The following RAP1GDS1 variants were observed in gnomAD, a reference collection of about 807,000 sequenced individuals.
RAP1GDS1 encodes the protein RAP1, GTP-GDP dissociation stimulator 1.
A neutral mutation model predicts 71.1 loss-of-function variants in RAP1GDS1; 35 were observed. The ratio of observed to expected loss-of-function variants is 0.49; its 90% CI spans 0.38 to 0.65. The LOEUF (loss-of-function observed/expected upper bound fraction) is 0.65, where lower values mean the gene tolerates loss of function less well. Among genes scored for constraint, RAP1GDS1 ranks in the 30% least tolerant of loss-of-function variants. The probability of loss-of-function intolerance (pLI) is 0.00; values close to 1 mark genes in which losing one functional copy is unlikely to be tolerated. For synonymous variants in RAP1GDS1, 229 were observed against 243.1 expected (o/e 0.94, Z 0.54); for missense variants, 663 against 706.1 (o/e 0.94, Z 0.69).
chr4:98,291,093 T>C (rs1415572557), intron 1 of RAP1GDS1, among the ~76,000 whole-genome samples: 1 of 152,150 alleles, frequency 6.6e-6, no homozygotes, highest in Non-Finnish European at 1.5e-5. Flanking sequence ...GAAAAATTCA[T>C]TGGCTTTGTC....
intron 7 of RAP1GDS1, among the ~76,000 whole-genome samples, chr4:98,409,937 T>TA (rs1746772489): frequency 6.6e-6 from 1 of 152,142 alleles, no homozygotes; most frequent in Non-Finnish European, 1.5e-5. Context: ...CAAAAAGCTC[T>TA]AATCATAAAG....
intron 7 of RAP1GDS1, among the ~76,000 whole-genome samples, chr4:98,411,926 C>T (rs140746121): frequency 2.0e-3 from 311 of 152,236 alleles, no homozygotes; most frequent in African/African-American, 7.2e-3. Flanking sequence ...ACCAAGGAAA[C>T]GCCCTACTTT....
chr4:98,387,991 C>T (rs1743016689), intron 5 of RAP1GDS1, among the ~76,000 whole-genome samples: 1 of 152,156 alleles, frequency 6.6e-6, no homozygotes, highest in East Asian at 1.9e-4. Context: ...TGATAACATT[C>T]ATGATACCAT....
In RAP1GDS1 at chr4:98,346,637, C is replaced by A. The variant is rs181182321; in HGVS notation, c.235+3376C>A. ...TCAGCTCACTGCAAGCTCCACCTCCCGGGTTCAAGCAATTCTCCTGCCTCA... is the reference window on the plus strand; with the variant it reads ...TCAGCTCACTGCAAGCTCCACCTCCAGGGTTCAAGCAATTCTCCTGCCTCA... On this transcript the variant is annotated intron_variant, in intron 3 of 14. Transcript: ENST00000408927. Among the ~76,000 whole-genome samples the A allele has an allele frequency of 3.8e-3, 582 of 152,062 alleles. 6 individuals carry two copies. The highest frequency in any genetic ancestry group is 0.013 in the African/African-American group (557 of 41,486).
chr4:98,331,530 A>T (rs1417911939), intron 2 of RAP1GDS1, among the ~76,000 whole-genome samples: 1 of 152,252 alleles, frequency 6.6e-6, no homozygotes, highest in African/African-American at 2.4e-5. Flanking sequence ...GTGGCATATG[A>T]CATATTATCT....
At chr4:98,345,609 G>A (rs756858602) in intron 3 of RAP1GDS1, among the ~76,000 whole-genome samples, 1 of 152,158 alleles carries the variant, frequency 6.6e-6, no homozygotes. Context: ...GGCTCTCAAA[G>A]TATTTAATAA....
intron 2 of RAP1GDS1, among the ~76,000 whole-genome samples, chr4:98,307,100 CAT>C (rs1008675114): frequency 2.6e-5 from 4 of 151,474 alleles, no homozygotes; most frequent in African/African-American, 9.7e-5. Context: ...TTTATTTTAA[CAT>C]ATGGTACATG....
At chr4:98,439,395 G>A (rs1394829430) in intron 14 of RAP1GDS1, among the ~76,000 whole-genome samples, 1 of 152,296 alleles carries the variant, frequency 6.6e-6, no homozygotes, top group African/African-American at 2.4e-5. Context: ...TCTTGGCATG[G>A]ATTTCTTTGG....
intron 2 of RAP1GDS1, among the ~76,000 whole-genome samples, chr4:98,306,094 T>C (rs1213040624): frequency 6.6e-6 from 1 of 152,202 alleles, no homozygotes; most frequent in Non-Finnish European, 1.5e-5. Context: ...ACTGCACCTA[T>C]AGCCAGCTGT....
At chr4:98,282,576 ATTTTTT>A (rs61020374) in intron 1 of RAP1GDS1, among the ~76,000 whole-genome samples, 1 of 133,562 alleles carries the variant, frequency 7.5e-6, no homozygotes, top group Non-Finnish European at 1.6e-5. Context: ...GGATTCATTG[ATTTTTT>A]TTTTTTTTTT....
chr4:98,404,901 T>C (rs1356412923), intron 7 of RAP1GDS1, among the ~76,000 whole-genome samples: 3 of 152,082 alleles, frequency 2.0e-5, no homozygotes, highest in African/African-American at 7.2e-5. Context: ...TCTACACACT[T>C]GTAAGGCAAA....
chr4:98,345,211 A>G (rs1479774738), intron 3 of RAP1GDS1, among the ~76,000 whole-genome samples: 3 of 152,172 alleles, frequency 2.0e-5, no homozygotes, highest in Non-Finnish European at 2.9e-5. Context: ...TTGGGCATAT[A>G]TTTCTTTTTA....
At chr4:98,331,261 G>A (rs986144169) in intron 2 of RAP1GDS1, among the ~76,000 whole-genome samples, 2 of 151,934 alleles carry the variant, frequency 1.3e-5, no homozygotes, top group Non-Finnish European at 1.5e-5. Context: ...GTCCAGCCTC[G>A]GCAACAGAGG....
intron 7 of RAP1GDS1, among the ~76,000 whole-genome samples, chr4:98,408,403 G>A (rs1470077542): frequency 6.6e-6 from 1 of 152,116 alleles, no homozygotes; most frequent in Non-Finnish European, 1.5e-5. Flanking sequence ...AAAATACTGG[G>A]ATTACAGGCA....
intron 6 of RAP1GDS1, among the ~76,000 whole-genome samples, chr4:98,398,805 G>A (rs1305754721): frequency 6.6e-6 from 1 of 152,078 alleles, no homozygotes; most frequent in Non-Finnish European, 1.5e-5. Flanking sequence ...AGCTGAAAAG[G>A]AGATCAAGAA....
In RAP1GDS1 at chr4:98,343,188, T is replaced by G. The variant is rs757402235; in HGVS notation, c.162T>G (p.Phe54Leu). ...KIQASGILQL[F>L]ASLLTPQSSC... is the part of the protein sequence containing the mutation. ...AAGCAAGTGGAATACTTCAGCTGTTTGCAAGTCTGTTGACTCCACAGTCTT... is the reference window on the plus strand; with the variant it reads ...AAGCAAGTGGAATACTTCAGCTGTTGGCAAGTCTGTTGACTCCACAGTCTT... Residue 54 changes from phenylalanine (F) to leucine (L), a missense_variant, in exon 3 of 15, where the codon TTT (phenylalanine) becomes TTG (leucine). Phe to Leu is a conservative substitution (Grantham distance 22). Coordinates refer to ENST00000408927, the MANE Select transcript of RAP1GDS1 (RefSeq NM_001100427.2). The G allele has an allele frequency of 2.5e-6, 4 of 1,607,408 alleles. No individual in the cohort carries two copies. The highest frequency in any genetic ancestry group is 3.4e-6 in the Non-Finnish European group (4 of 1,174,058).
rs145235525 is a variant in RAP1GDS1, at chr4:98,350,486, C to T, written c.236-1990C>T. On this transcript the variant is annotated intron_variant, in intron 3 of 14. Coordinates refer to ENST00000408927, the MANE Select transcript of RAP1GDS1 (RefSeq NM_001100427.2). ...TTTTGGGAGGCCACAATGGGAGGAT[C>T]ACTTGAGCCTAGAAGTTCGACACCA... Among the ~76,000 whole-genome samples, 557 of 152,096 alleles carry T rather than the reference C, an allele frequency of 3.7e-3. 1 individual carries two copies. Among genetic ancestry groups the T allele is most frequent in the African/African-American group, 0.013 (533 of 41,488 alleles).
At chr4:98,268,595 A>T (rs1170042635) in intron 1 of RAP1GDS1, among the ~76,000 whole-genome samples, 1 of 152,154 alleles carries the variant, frequency 6.6e-6, no homozygotes, top group Non-Finnish European at 1.5e-5. Context: ...AAAAACTATT[A>T]GTCCTAATAA....
intron 1 of RAP1GDS1, among the ~76,000 whole-genome samples, chr4:98,262,541 A>AT (rs1197385278): frequency 3.3e-5 from 5 of 152,356 alleles, no homozygotes; most frequent in African/African-American, 1.2e-4. Flanking sequence ...CTGTCATGTA[A>AT]TTAAGAGCTC....
Sources: gnomAD v4.1 joint callset for allele counts (sites outside exome capture counted in the v4.1 genomes callset) on GRCh38, gnomAD v4.1.1 for gene constraint, MANE v1.5 for transcripts, NCBI Gene and HGNC (gene_info 2026-07-23, HGNC 2026-07-21) for gene names.